Variants in FN3KRP observed in about 807,000 individuals in gnomAD.
FN3KRP encodes the protein ketosamine-3-kinase.
In FN3KRP, 33 loss-of-function variants were observed where a neutral mutation model predicts 29.8. The ratio of observed to expected loss-of-function variants is 1.11; its 90% CI spans 0.84 to 1.48. FN3KRP has a LOEUF of 1.48. FN3KRP is among the 40% of genes most tolerant of loss of function. FN3KRP has a pLI of 0.00. For missense variants in FN3KRP, 430 were observed against 402.6 expected, an observed-to-expected ratio of 1.07 and a Z score of -0.58; for synonymous variants, 157 against 155.2, an observed-to-expected ratio of 1.01 and a Z score of -0.09.
chr17:82,725,021 C>T (rs2046827444), intron 4 of FN3KRP, among the ~76,000 whole-genome samples: 1 of 151,898 alleles, frequency 6.6e-6, no homozygotes, highest in African/African-American at 2.4e-5. Flanking sequence ...CCGTGTTAGC[C>T]AGGACAGTCT....
rs2046848499 is a variant in FN3KRP, at chr17:82,727,684, A to T, written c.*513A>T. 1 of 153,086 alleles carries T rather than the reference A, an allele frequency of 6.5e-6. No individual in the cohort carries two copies. The highest frequency in any genetic ancestry group is 1.4e-5 in the Non-Finnish European group (1 of 69,014). The allele number at this position is 153,086 out of a possible 1,614,324, so 9.5% of individuals were successfully genotyped here. A position where few individuals can be genotyped will look rare whatever the true frequency, so the allele number is the denominator to read the frequency against. On this transcript the variant is annotated 3_prime_UTR_variant, in exon 6 of 6. Transcript: ENST00000269373. ...TCTTAAAATGACCAATTCCAGAATC[A>T]AGCGTATTCCGTTTTCTTCCTGCAT...
At chr17:82,725,613 C>G (rs575851529) in intron 4 of FN3KRP, among the ~76,000 whole-genome samples, 12 of 152,212 alleles carry the variant, frequency 7.9e-5, no homozygotes, top group African/African-American at 2.6e-4. Flanking sequence ...CCACGTCCGG[C>G]TAATTTTTGT....
chr17:82,726,062 C>T (rs11870152), intron 4 of FN3KRP, among the ~76,000 whole-genome samples: 28,415 of 152,032 alleles, frequency 0.19, 3,344 homozygotes, highest in African/African-American at 0.32. Flanking sequence ...TGCTTGTAAT[C>T]CCAGCTACTT....
Position 82,726,846 on chromosome 17 carries a change from A to C in FN3KRP, c.605A>C (p.Asp202Ala). The change falls in exon 6 of 6, where the codon GAC becomes GCC. Residue 202 changes from aspartate to alanine, a missense_variant. Asp to Ala is a moderately radical substitution (Grantham distance 126). Transcript: ENST00000269373. The part of the protein sequence containing the change: ...LWSALQLKIP[D>A]LFRDLEIIPA... ...TCCTCCCTGCAGTTAAAGATCCCTG[A>C]CCTGTTCCGTGACCTGGAGATCATC... The C allele has an allele frequency of 6.5e-7, 1 of 1,543,956 alleles. No homozygotes were observed. Among genetic ancestry groups the C allele is most frequent in the Non-Finnish European group, 8.7e-7 (1 of 1,147,656 alleles).
intron 2 of FN3KRP, 23 bp downstream of exon 2, chr17:82,719,080 A>ACCCCCC (rs1260450194): frequency 6.4e-7 from 1 of 1,567,894 alleles, no homozygotes; most frequent in Non-Finnish European, 8.7e-7. Context: ...ACCACCCCCC[A>ACCCCCC]CCTGGCTTTA....
Position 82,727,556 on chromosome 17 carries a change from T to G in FN3KRP, c.*385T>G, listed in dbSNP as rs571818746. 464 of 186,720 alleles carry G rather than the reference T, an allele frequency of 2.5e-3. 2 individuals are homozygous for G. The highest frequency in any genetic ancestry group is 4.1e-3 in the Non-Finnish European group (367 of 88,800). The allele number at this position is 186,720 out of a possible 1,614,324, so 11.6% of individuals were successfully genotyped here. A position where few individuals can be genotyped will look rare whatever the true frequency, so the allele number is the denominator to read the frequency against. On this transcript the variant is annotated 3_prime_UTR_variant, in exon 6 of 6. Transcript: ENST00000269373. ...TGCTCATAGGTACCTTTCCACTGCC[T>G]CCTCCCTGCTCTCCTGTGCAGGAAT...
At position 82,716,839 on chromosome 17, in the gene FN3KRP, C is replaced by A. The variant is rs777739924; in HGVS notation, c.84C>A (p.Gly28=). The A allele has an allele frequency of 6.4e-7, 1 of 1,560,354 alleles. No individual in the cohort carries two copies. Among genetic ancestry groups the A allele is most frequent in the African/African-American group, 1.4e-5 (1 of 70,432 alleles). The change falls in exon 1 of 6, where the codon GGC becomes GGA. Residue 28 remains glycine, a synonymous_variant. Transcript: ENST00000269373. ...CGGGGGGCGGGTGCATCAGCCAGGG[C>A]CGGAGCTACGACACGGATCAAGGAC... ...GHSGGGCISQ[G]RSYDTDQGRV...
chr17:82,719,865 C>T (rs1178126890), intron 2 of FN3KRP, among the ~76,000 whole-genome samples: 2 of 152,142 alleles, frequency 1.3e-5, no homozygotes, highest in Non-Finnish European at 2.9e-5. Flanking sequence ...TTTCTGTCCT[C>T]AAAATGTCCG....
chr17:82,717,669 A>G (rs1406545734), intron 1 of FN3KRP, among the ~76,000 whole-genome samples: 3 of 152,172 alleles, frequency 2.0e-5, no homozygotes, highest in Non-Finnish European at 4.4e-5. Flanking sequence ...CAGTGAGTCG[A>G]GATCGCGCCA....
At chr17:82,717,189 C>G (rs1336691070) in intron 1 of FN3KRP, among the ~76,000 whole-genome samples, 1 of 151,318 alleles carries the variant, frequency 6.6e-6, no homozygotes, top group South Asian at 2.1e-4. Context: ...GGGGGCGCTA[C>G]GTGAAATGGG....
rs1364812660 is a variant in FN3KRP at position 82,727,869 on chromosome 17, A to T, written c.*698A>T. ...ATTTTCTACAGCTTGCTGAGTTGTC[A>T]TTCCTTTGCAACATTAAAATACATG... On this transcript the variant is annotated 3_prime_UTR_variant, in exon 6 of 6. Transcript: ENST00000269373. 6.6e-6 allele frequency: 1 copy of T among 152,118 alleles called. No individual in the cohort carries two copies. The highest frequency in any genetic ancestry group is 6.6e-5 in the Admixed American group (1 of 15,252). The allele number at this position is 152,118 out of a possible 1,614,324, so 9.4% of individuals were successfully genotyped here.
chr17:82,720,796 G>A (rs936827224), intron 3 of FN3KRP: 4 of 154,986 alleles, frequency 2.6e-5, no homozygotes, highest in African/African-American at 7.2e-5. Flanking sequence ...GGAATTTTCC[G>A]GTATTTTAAT....
At position 82,727,099 on chromosome 17, in the gene FN3KRP, G is replaced by C; in HGVS notation, c.858G>C (p.Leu286Phe). ...RLQLYQLFHY[L>F]NHWNHFGSGY... is the part of the protein sequence containing the mutation. ...AGTTGTATCAGCTCTTTCACTACTT[G>C]AACCACTGGAATCATTTTGGATCGG... The change falls in exon 6 of 6, where the codon TTG becomes TTC. Residue 286 changes from leucine (L) to phenylalanine (F), a missense_variant. Leu to Phe is a conservative substitution (Grantham distance 22, BLOSUM62 0). Coordinates refer to ENST00000269373, the MANE Select transcript of FN3KRP (RefSeq NM_024619.4). 1 of 1,614,112 alleles carries C rather than the reference G, an allele frequency of 6.2e-7. No homozygotes were observed. The highest frequency in any genetic ancestry group is 8.5e-7 in the Non-Finnish European group (1 of 1,180,028).
rs774622828 is a variant in FN3KRP, at chr17:82,727,173, C to T, written c.*2C>T. On this transcript the variant is annotated 3_prime_UTR_variant, in exon 6 of 6. Transcript: ENST00000269373. Reference sequence around the variant, plus strand: ...ATCATGAGGAATCTGGTCAAGTGAGCGGGCCTTACTCTGGAAGGAGGCCTC... The same window carrying T: ...ATCATGAGGAATCTGGTCAAGTGAGTGGGCCTTACTCTGGAAGGAGGCCTC... 1.2e-5 allele frequency: 19 copies of T among 1,610,888 alleles called. No individual in the cohort carries two copies. Among genetic ancestry groups the T allele is most frequent in the East Asian group, 8.9e-5 (4 of 44,834 alleles).
In FN3KRP at chr17:82,726,830, C is replaced by T; in HGVS notation, c.592-3C>T. 4.6e-6 allele frequency: 7 copies of T among 1,526,364 alleles called. No individual in the cohort carries two copies. Among genetic ancestry groups the T allele is most frequent in the Non-Finnish European group, 6.1e-6 (7 of 1,139,478 alleles). The allele number at this position is 1,526,364 out of a possible 1,614,324, so 94.6% of individuals were successfully genotyped here. A position where few individuals can be genotyped will look rare whatever the true frequency, so the allele number is the denominator to read the frequency against. On this transcript the variant is annotated splice_region_variant and splice_polypyrimidine_tract_variant and intron_variant, in intron 5 of 5. Coordinates refer to ENST00000269373, the MANE Select transcript of FN3KRP (RefSeq NM_024619.4). The stretch of plus-strand genomic sequence containing the variant: ...TGCTGAGGCTCCATTTTCCTCCCTG[C>T]AGTTAAAGATCCCTGACCTGTTCCG...
intron 3 of FN3KRP, chr17:82,720,995 C>A (rs578237101): frequency 1.3e-5 from 2 of 152,242 alleles, no homozygotes. Flanking sequence ...CCTCCCAGGT[C>A]GCCTGTCCTG....
chr17:82,723,372 G>T (rs942814080), intron 4 of FN3KRP, among the ~76,000 whole-genome samples: 4 of 152,016 alleles, frequency 2.6e-5, no homozygotes, highest in Admixed American at 2.6e-4. Flanking sequence ...GAAAGACTTT[G>T]AAATGTTGAA....
chr17:82,716,760 A>C lies in FN3KRP; in HGVS notation c.5A>C (p.Glu2Ala). Residue 2 changes from glutamate (E) to alanine (A), a missense_variant, in exon 1 of 6, where the codon GAG becomes GCG. Transcript: ENST00000269373. Reference sequence around the variant, plus strand: ...GTCCGCGGCCGCGGCGGGAACATGGAGGAGCTCCTGAGGCGCGAGCTGGGC... The same window carrying C: ...GTCCGCGGCCGCGGCGGGAACATGGCGGAGCTCCTGAGGCGCGAGCTGGGC... Reference protein sequence around the residue: MEELLRRELGCS... With the variant: MAELLRRELGCS... The C allele has an allele frequency of 6.6e-7, 1 of 1,508,908 alleles. No individual in the cohort carries two copies. Among genetic ancestry groups the C allele is most frequent in the Non-Finnish European group, 8.8e-7 (1 of 1,136,704 alleles). 93.5% of individuals were successfully genotyped at this position (1,508,908 alleles called of 1,614,324 possible). A position where few individuals can be genotyped will look rare whatever the true frequency, so the allele number is the denominator to read the frequency against.
At chr17:82,724,565 T>C (rs71376528) in intron 4 of FN3KRP, among the ~76,000 whole-genome samples, 4 of 150,518 alleles carry the variant, frequency 2.7e-5, no homozygotes, top group African/African-American at 9.8e-5. Context: ...AATCACGCCA[T>C]TGCACTCCAG....
Sources: allele counts gnomAD v4.1 joint callset (sites outside exome capture counted in the v4.1 genomes callset), GRCh38; gene constraint gnomAD v4.1.1; transcripts MANE v1.5; gene names NCBI Gene and HGNC (gene_info 2026-07-23, HGNC 2026-07-21).